CUL2: variants seen among roughly 807,000 people sequenced by gnomAD.
CUL2 encodes cullin 2.
Under a neutral mutation model 110.2 loss-of-function variants are expected in CUL2, and 22 were observed. The ratio of observed to expected loss-of-function variants is 0.20; its 90% CI spans 0.14 to 0.28. The LOEUF is 0.28. Among genes scored for constraint, CUL2 ranks in the 10% least tolerant of loss-of-function variants. CUL2 has a pLI of 1.00. For missense variants in CUL2, 631 were observed against 905.5 expected, an observed-to-expected ratio of 0.70 and a Z score of 3.89; for synonymous variants, 279 against 293.2, an observed-to-expected ratio of 0.95 and a Z score of 0.49.
intron 10 of CUL2, among the ~76,000 whole-genome samples, chr10:35,034,732 A>G (rs1168892002): frequency 6.6e-6 from 1 of 152,222 alleles, no homozygotes; most frequent in Non-Finnish European, 1.5e-5. Flanking sequence ...GCAAGCATAT[A>G]CTTACAGAAG....
intron 1 of CUL2, among the ~76,000 whole-genome samples, chr10:35,080,413 T>C (rs1324110408): frequency 6.6e-6 from 1 of 151,870 alleles, no homozygotes; most frequent in Non-Finnish European, 1.5e-5. Flanking sequence ...ATCATGACTT[T>C]CTGGCTTTAG....
At chr10:35,068,222 G>C (rs55807054) in intron 2 of CUL2, among the ~76,000 whole-genome samples, 22,961 of 151,570 alleles carry the variant, frequency 0.15, 1,956 homozygotes, top group East Asian at 0.24. Flanking sequence ...AGGGGTTCGA[G>C]ACCAGCTTGG....
At chr10:35,100,831 T>C (rs2087367588) in intron 2 of CUL2, 1 of 150,996 alleles carries the variant, frequency 6.6e-6, no homozygotes. Flanking sequence ...TCTATCCATT[T>C]CAACCCACTT....
intron 3 of CUL2, 94 bp downstream of exon 3, chr10:35,062,866 G>T: frequency 1.4e-6 from 1 of 729,972 alleles, no homozygotes; most frequent in South Asian, 1.8e-5. Context: ...AGCAAAACAA[G>T]CTGACCTTGA....
At chr10:35,021,914 A>AGGTGGGGCGAG (rs1564699504) in intron 17 of CUL2, among the ~76,000 whole-genome samples, 7 of 104,022 alleles carry the variant, frequency 6.7e-5, no homozygotes, top group Admixed American at 1.0e-4. Context: ...GGTGGGGCGA[A>AGGTGGGGCGAG]GTGGGGCGAG....
At chr10:35,106,517 A>G (rs1204867776) in intron 1 of CUL2, among the ~76,000 whole-genome samples, 1 of 144,576 alleles carries the variant, frequency 6.9e-6, no homozygotes, top group Non-Finnish European at 1.5e-5. Flanking sequence ...TCTTTTTTTT[A>G]GAGATGAGGT....
chr10:35,011,522 G>A (rs1486883893), intron 20 of CUL2, among the ~76,000 whole-genome samples: 1 of 152,088 alleles, frequency 6.6e-6, no homozygotes, highest in Admixed American at 6.6e-5. Context: ...GGAGGCTGAG[G>A]CAGGAGACTC....
chr10:35,044,227 T>C (rs2085877444), intron 8 of CUL2, among the ~76,000 whole-genome samples: 1 of 152,112 alleles, frequency 6.6e-6, no homozygotes, highest in Admixed American at 6.6e-5. Context: ...TCTGCACTTA[T>C]CCTATTCTCT....
At chr10:35,059,619 A>G (rs181948199) in intron 4 of CUL2, among the ~76,000 whole-genome samples, 1 of 152,318 alleles carries the variant, frequency 6.6e-6, no homozygotes, top group East Asian at 1.9e-4. Context: ...TTCCCTTTAC[A>G]TGTGGTGGTC....
At chr10:35,102,756 G>A (rs1258294883) in intron 1 of CUL2, among the ~76,000 whole-genome samples, 1 of 151,520 alleles carries the variant, frequency 6.6e-6, no homozygotes, top group African/African-American at 2.4e-5. Context: ...AGTGGCAGGC[G>A]CCTGTAATCC....
Position 35,026,850 on chromosome 10 carries a change from ATACTTT to A in CUL2, c.1618-1658_1618-1653del, listed in dbSNP as rs1306776204. 5.9e-5 allele frequency among the ~76,000 whole-genome samples: 9 copies of A among 152,192 alleles called. No individual in the cohort carries two copies. In the South Asian group the frequency reaches 1.7e-3, roughly 28 times the overall value. On this transcript the variant is annotated intron_variant, in intron 16 of 20. Transcript: ENST00000374749. ...TATTTTTTTAAATTTTATTATTATT[ATACTTT>A]AAGTTTTAGGGTACATGTGCACAAT... is the stretch of plus-strand genomic sequence containing the variant.
intron 9 of CUL2, among the ~76,000 whole-genome samples, chr10:35,038,381 C>G (rs924012664): frequency 1.3e-5 from 2 of 150,920 alleles, no homozygotes; most frequent in Admixed American, 1.3e-4. Flanking sequence ...AAAAAATTAG[C>G]CAGGTGTGGT....
chr10:35,020,156 A>G (rs907193639), intron 17 of CUL2, among the ~76,000 whole-genome samples: 22 of 148,298 alleles, frequency 1.5e-4, no homozygotes, highest in African/African-American at 5.4e-4. Flanking sequence ...CAAGGAATAG[A>G]AAACAAATTT....
intron 1 of CUL2, among the ~76,000 whole-genome samples, chr10:35,075,552 T>C (rs781621086): frequency 3.9e-5 from 6 of 151,902 alleles, no homozygotes; most frequent in Admixed American, 6.6e-5. Context: ...CAGTCCCTTT[T>C]AGTTTCCTTG....
intron 18 of CUL2, among the ~76,000 whole-genome samples, chr10:35,015,527 AT>A (rs1188910768): frequency 1.3e-5 from 2 of 152,144 alleles, no homozygotes; most frequent in Non-Finnish European, 2.9e-5. Context: ...ATTTATAGGA[AT>A]TTTTTCTTAT....
chr10:35,064,110 A>G (rs1471395310), intron 2 of CUL2: 1 of 152,200 alleles, frequency 6.6e-6, no homozygotes, highest in African/African-American at 2.4e-5. Flanking sequence ...AGGTAAAGAT[A>G]ATGAATCTTT....
intron 3 of CUL2, among the ~76,000 whole-genome samples, chr10:35,061,868 A>G (rs1358251383): frequency 1.3e-5 from 2 of 149,856 alleles, no homozygotes; most frequent in Non-Finnish European, 3.0e-5. Context: ...TCAGCCTCCC[A>G]AAGTACAGAG....
intron 4 of CUL2, among the ~76,000 whole-genome samples, chr10:35,056,831 C>T (rs142765484): frequency 7.1e-4 from 108 of 152,312 alleles, no homozygotes; most frequent in African/African-American, 2.5e-3. Flanking sequence ...CCAGTAACCT[C>T]GCCTAAAACA....
chr10:35,022,937 C>A (rs1232402046), intron 17 of CUL2, among the ~76,000 whole-genome samples: 1 of 152,092 alleles, frequency 6.6e-6, no homozygotes, highest in African/African-American at 2.4e-5. Context: ...CCCAGCTACT[C>A]AGAAGGCTGA....
Sources: allele counts gnomAD v4.1 joint callset (sites outside exome capture counted in the v4.1 genomes callset), GRCh38; gene constraint gnomAD v4.1.1; transcripts MANE v1.5; gene names NCBI Gene and HGNC (gene_info 2026-07-23, HGNC 2026-07-21).